The following BRAT1 variants were observed in gnomAD, a reference collection of about 807,000 sequenced individuals.
BRAT1 encodes integrator complex assembly factor BRAT1.
A neutral mutation model predicts 70.6 loss-of-function variants in BRAT1; 74 were observed. The observed-to-expected ratio is 1.05, with a 90% confidence interval of 0.87 to 1.27. The LOEUF (loss-of-function observed/expected upper bound fraction) is 1.27. Ranked by LOEUF, BRAT1 falls within the 50% of genes most tolerant of loss-of-function variation. The probability of loss-of-function intolerance (pLI) is 0.00; values close to 1 mark genes in which losing one functional copy is unlikely to be tolerated. For synonymous variants in BRAT1, 615 were observed against 517.1 expected (o/e 1.19, Z -2.57); for missense variants, 1,203 against 1,098.2 (o/e 1.10, Z -1.35).
intron 2 of BRAT1, among the ~76,000 whole-genome samples, chr7:2,550,079 C>T (rs532174389): frequency 6.6e-6 from 1 of 151,698 alleles, no homozygotes; most frequent in South Asian, 2.1e-4. Context: ...GGGAGGATCA[C>T]TTGAGCCCAG....
In BRAT1 at chr7:2,543,062, C is replaced by T. The variant is rs1583308043; in HGVS notation, c.923+142G>A. 9.2e-7 allele frequency: 1 copy of T among 1,086,898 alleles called. No homozygotes were observed. The highest frequency in any genetic ancestry group is 1.3e-6 in the Non-Finnish European group (1 of 770,436). The allele number at this position is 1,086,898 out of a possible 1,614,324, so 67.3% of individuals were successfully genotyped here. On this transcript the variant is annotated intron_variant, in intron 6 of 13. Transcript: ENST00000340611. This position sits in a 1 kb window ranked among gnomAD's most constrained non-coding sequence, Gnocchi z 5.5. ...CAGAAGCTGCCGCGCGCAACCCACG[C>T]ACCACCCAGTCACACCCCGCACGGC...
intron 3 of BRAT1, among the ~76,000 whole-genome samples, chr7:2,546,021 G>A (rs750368098): frequency 5.8e-4 from 89 of 152,256 alleles, no homozygotes; most frequent in Non-Finnish European, 1.1e-3. Context: ...AGAAGCCGTC[G>A]TGGTAGACGG....
intron 3 of BRAT1, among the ~76,000 whole-genome samples, chr7:2,546,631 A>T (rs1325749234): frequency 6.6e-6 from 1 of 151,830 alleles, no homozygotes; most frequent in Non-Finnish European, 1.5e-5. Context: ...GATACTCGGG[A>T]GGCTGAGGCA....
Position 2,543,532 on chromosome 7 carries a change from T to TGATA in BRAT1, c.803+57_803+58insTATC. ...GCTGCCAGTGGGACATCCCTGGGCG[T>TGATA]TATCCGAGGAAAACAGTTGCCCACC... is the stretch of plus-strand genomic sequence containing the variant. On this transcript the variant is annotated intron_variant, in intron 5 of 13. Coordinates refer to ENST00000340611, the MANE Select transcript of BRAT1 (RefSeq NM_152743.4). This position sits in a 1 kb window ranked among gnomAD's most constrained non-coding sequence, Gnocchi z 5.5. 1 of 1,493,998 alleles carries TGATA rather than the reference T, an allele frequency of 6.7e-7. No individual in the cohort carries two copies. The allele number at this position is 1,493,998 out of a possible 1,614,324, so 92.5% of individuals were successfully genotyped here.
At position 2,538,778 on chromosome 7, in the gene BRAT1, A is replaced by G; in HGVS notation, c.1771-14T>C. 1.3e-6 allele frequency: 2 copies of G among 1,597,968 alleles called. No homozygotes were observed. Among genetic ancestry groups the G allele is most frequent in the Non-Finnish European group, 8.5e-7 (1 of 1,179,716 alleles). Reference sequence around the variant, plus strand: ...CAGGAACAGGCTCTGGGGGACAGGGAGCAAGTGCGGATGGTTGGTGGGGTG... The same window carrying G: ...CAGGAACAGGCTCTGGGGGACAGGGGGCAAGTGCGGATGGTTGGTGGGGTG... On this transcript the variant is annotated splice_polypyrimidine_tract_variant and intron_variant, in intron 13 of 13. Coordinates refer to ENST00000340611, the MANE Select transcript of BRAT1 (RefSeq NM_152743.4).
At chr7:2,549,671 AAAAG>A (rs1387295308) in intron 2 of BRAT1, among the ~76,000 whole-genome samples, 1 of 152,226 alleles carries the variant, frequency 6.6e-6, no homozygotes, top group Non-Finnish European at 1.5e-5. Flanking sequence ...CTTATCTGTT[AAAAG>A]AAAGAGTTGC....
chr7:2,547,344 T>C lies in BRAT1; in HGVS notation c.262A>G (p.Asn88Asp), dbSNP rs779283478. The C allele has an allele frequency of 1.9e-6, 3 of 1,613,948 alleles. No individual in the cohort carries two copies. The African/African-American group carries it at 4.0e-5, about 22-fold the overall frequency. ...RLAGTFAAQENCFQYLQQGEL... is the reference protein window; with the variant it reads ...RLAGTFAAQEDCFQYLQQGEL... ...CTCACCTGAAGATACTGGAAGCAGT[T>C]TTCCTGGGCTGCGAAGGTTCCTGCC... The change falls in exon 3 of 14, where the codon AAC becomes GAC. Residue 88 changes from asparagine to aspartate, a missense_variant. Asn to Asp is a conservative substitution (Grantham distance 23, BLOSUM62 1). Transcript: ENST00000340611.
At position 2,539,780 on chromosome 7, in the gene BRAT1, C is replaced by T. The variant is rs758246723; in HGVS notation, c.1498+6G>A. 49 of 1,608,746 alleles carry T rather than the reference C, an allele frequency of 3.0e-5. No individual in the cohort carries two copies. The Admixed American group carries it at 6.1e-4, about 20-fold the overall frequency. On this transcript the variant is annotated splice_donor_region_variant and intron_variant, in intron 11 of 13. Coordinates refer to ENST00000340611, the MANE Select transcript of BRAT1 (RefSeq NM_152743.4). ...CTCCGTTCACCCCTGCAAGGGGCTGCGTTACCTCTGAGGAACTGCGGGATG... is the reference window on the plus strand; with the variant it reads ...CTCCGTTCACCCCTGCAAGGGGCTGTGTTACCTCTGAGGAACTGCGGGATG...
intron 13 of BRAT1, 123 bp from the exon 14 acceptor site, chr7:2,538,887 T>G: frequency 6.7e-7 from 1 of 1,496,600 alleles, no homozygotes; most frequent in East Asian, 2.5e-5. Context: ...CAGCCCGCTC[T>G]GACACCTTCC....
intron 2 of BRAT1, among the ~76,000 whole-genome samples, chr7:2,549,023 ATTG>A (rs1324441774): frequency 6.6e-6 from 1 of 152,212 alleles, no homozygotes; most frequent in East Asian, 1.9e-4. Context: ...CTAAAAAATC[ATTG>A]TTGAAGGGTT....
chr7:2,548,645 G>A (rs556481371), intron 2 of BRAT1, among the ~76,000 whole-genome samples: 3 of 149,742 alleles, frequency 2.0e-5, no homozygotes, highest in Admixed American at 6.6e-5. Context: ...CAGCCTGGGC[G>A]ACAGAGGGAG....
intron 3 of BRAT1, 129 bp downstream of exon 3, chr7:2,547,195 G>A (rs1241409895): frequency 8.2e-7 from 1 of 1,216,276 alleles, no homozygotes; most frequent in South Asian, 1.4e-5. Context: ...CAGTTCTAGT[G>A]AGGACACAGG....
Position 2,538,242 on chromosome 7 carries a change from C to G in BRAT1, c.2293G>C (p.Gly765Arg). 6.2e-7 allele frequency: 1 copy of G among 1,610,044 alleles called. No homozygotes were observed. Among genetic ancestry groups the G allele is most frequent in the Admixed American group, 1.7e-5 (1 of 59,908 alleles). The change falls in exon 14 of 14, where the codon GGG (glycine) becomes CGG (arginine). Residue 765 changes from glycine to arginine, a missense_variant. Transcript: ENST00000340611. ...AGCACAGCCTCAGGCTCCTGGTCCC[C>G]TGGGGGCTGGGCCTGCTCACCCGCC... Reference protein sequence around the residue: ...WRAGEQAQPPGDQEPEAVLAM... With the variant: ...WRAGEQAQPPRDQEPEAVLAM...
At chr7:2,540,124 T>C (rs1462505496) in intron 10 of BRAT1, 1 of 472,010 alleles carries the variant, frequency 2.1e-6, no homozygotes, top group Non-Finnish European at 3.7e-6. Context: ...GCTCAAACAG[T>C]CCTCCTGCCT....
chr7:2,549,042 A>G (rs1421298183), intron 2 of BRAT1, among the ~76,000 whole-genome samples: 2 of 152,244 alleles, frequency 1.3e-5, no homozygotes, highest in Non-Finnish European at 2.9e-5. Context: ...GGGTTTTGAA[A>G]CAAAACAGAA....
rs199914857 is a variant in BRAT1, at chr7:2,538,277, G to A, written c.2258C>T (p.Pro753Leu). 2.2e-5 allele frequency: 35 copies of A among 1,611,766 alleles called. No homozygotes were observed. The highest frequency in any genetic ancestry group is 6.7e-5 in the Admixed American group (4 of 59,992). ...GGCCTGCTCACCCGCCCGCCACCTCGGCAGGGTGGCCTCTGCGGAGGCAGT... is the reference window on the plus strand; with the variant it reads ...GGCCTGCTCACCCGCCCGCCACCTCAGCAGGGTGGCCTCTGCGGAGGCAGT... ...PNTASAEATL[P>L]RWRAGEQAQP... Residue 753 changes from proline (P) to leucine (L), a missense_variant, in exon 14 of 14, where the codon CCG becomes CTG. Coordinates refer to ENST00000340611, the MANE Select transcript of BRAT1 (RefSeq NM_152743.4).
At chr7:2,540,043 TAG>T (rs1197213804) in intron 10 of BRAT1, 155 bp from the exon 11 acceptor site, 1 of 572,916 alleles carries the variant, frequency 1.7e-6, no homozygotes, top group African/African-American at 1.9e-5. Context: ...CCTTCTTTTT[TAG>T]AGACAGGGTC....
Position 2,538,394 on chromosome 7 carries a change from G to C in BRAT1, c.2141C>G (p.Pro714Arg). The C allele has an allele frequency of 6.2e-7, 1 of 1,613,564 alleles. No individual in the cohort carries two copies. The highest frequency in any genetic ancestry group is 8.5e-7 in the Non-Finnish European group (1 of 1,179,962). ...GAGGTCACAAGACTTCTGCGCCACA[G>C]GGCGGTCGCAGTCAAACAAGGCACA... ...AFCALFDCDR[P>R]VAQKSCDLLL... is the part of the protein sequence containing the mutation. Residue 714 changes from proline to arginine, a missense_variant, in exon 14 of 14, where the codon CCT becomes CGT. Pro to Arg is a moderately radical substitution (Grantham distance 103). Transcript: ENST00000340611.
At chr7:2,554,959 G>T (rs1283248990) in intron 1 of BRAT1, among the ~76,000 whole-genome samples, 1 of 149,590 alleles carries the variant, frequency 6.7e-6, no homozygotes, top group Non-Finnish European at 1.5e-5. Context: ...GCGCCTGTCC[G>T]TGTGTCTGTC....
Sources: gnomAD v4.1 joint callset for allele counts (sites outside exome capture counted in the v4.1 genomes callset) on GRCh38, gnomAD v4.1.1 for gene constraint, Gnocchi (gnomAD v3.1) non-coding constraint, MANE v1.5 for transcripts, NCBI Gene and HGNC (gene_info 2026-07-23, HGNC 2026-07-21) for gene names.